The following TOP1 variants were observed in gnomAD, a reference collection of about 807,000 sequenced individuals.
TOP1 encodes DNA topoisomerase 1.
TOP1 carries 10 observed loss-of-function variants against 111.1 expected under a neutral mutation model. The observed-to-expected ratio is 0.09, with a 90% CI of 0.06 to 0.15. TOP1 has a LOEUF of 0.15. Among genes scored for constraint, TOP1 ranks in the 10% least tolerant of loss-of-function variants. The pLI is 1.00. For synonymous variants in TOP1, 271 were observed against 302.9 expected (o/e 0.89, Z 1.10); for missense variants, 474 against 926.7 (o/e 0.51, Z 6.34).
rs770564414 is a variant in TOP1, at chr20:41,067,607, C to G, written c.155+6117C>G. Among the ~76,000 whole-genome samples, 51 of 152,116 alleles carry G rather than the reference C, an allele frequency of 3.4e-4. 1 individual carries two copies. The highest frequency in any genetic ancestry group is 6.5e-4 in the Non-Finnish European group (44 of 68,030). ...CAAAATGCTTTCATTTATTCCAATC[C>G]TTGCTAATCAATTGTAGCTAATTTT... On this transcript the variant is annotated intron_variant, in intron 3 of 20. Transcript: ENST00000361337. This position sits in a 1 kb window ranked among gnomAD's most constrained non-coding sequence, Gnocchi z 4.0.
At chr20:41,049,804 T>A (rs1271473658) in intron 2 of TOP1, among the ~76,000 whole-genome samples, 1 of 152,268 alleles carries the variant, frequency 6.6e-6, no homozygotes, top group Non-Finnish European at 1.5e-5. Flanking sequence ...AAGAACTATT[T>A]ATACTTGTCT....
rs541544627 is a variant in TOP1 at position 41,086,930 on chromosome 20, A to G, written c.614+2362A>G. 5.3e-5 allele frequency among the ~76,000 whole-genome samples: 8 copies of G among 152,270 alleles called. No homozygotes were observed. In the East Asian group the frequency reaches 1.5e-3, roughly 29 times the overall value. On this transcript the variant is annotated intron_variant, in intron 8 of 20. Transcript: ENST00000361337. ...CTTAACTGATAGCTAGAGGCTGTGT[A>G]TCATACTCTGAAGTCAGTTATCCAG...
intron 2 of TOP1, among the ~76,000 whole-genome samples, chr20:41,056,539 G>A (rs1271689659): frequency 6.6e-6 from 1 of 152,210 alleles, no homozygotes; most frequent in African/African-American, 2.4e-5. Flanking sequence ...CAAGTGGAGT[G>A]TGGTGATGTA....
At chr20:41,031,910 T>A (rs1190772751) in intron 2 of TOP1, among the ~76,000 whole-genome samples, 1 of 152,236 alleles carries the variant, frequency 6.6e-6, no homozygotes, top group East Asian at 1.9e-4. Flanking sequence ...TTGAAGAGAA[T>A]CTGCCACCAT....
Position 41,121,938 on chromosome 20 carries a change from A to G in TOP1, c.2046-68A>G, listed in dbSNP as rs2034430549. 3 of 1,582,732 alleles carry G rather than the reference A, an allele frequency of 1.9e-6. No homozygotes were observed. The Admixed American group carries it at 5.4e-5, about 29-fold the overall frequency. ...AGGGCTTTTATTGACTCAAAGTGGC[A>G]GGATGGGTACAGTGTGCTCTTGTCT... On this transcript the variant is annotated intron_variant, in intron 19 of 20. Coordinates refer to ENST00000361337, the MANE Select transcript of TOP1 (RefSeq NM_003286.4). The surrounding 1 kb of genome is among the most constrained non-coding windows in gnomAD (Gnocchi z 4.2).
At chr20:41,063,153 A>C (rs1453469944) in intron 3 of TOP1, among the ~76,000 whole-genome samples, 1 of 152,070 alleles carries the variant, frequency 6.6e-6, no homozygotes, top group Non-Finnish European at 1.5e-5. Flanking sequence ...TGAGCACCCG[A>C]TGTTTAGCTC....
At chr20:41,089,792 C>T (rs1208502429) in intron 8 of TOP1, among the ~76,000 whole-genome samples, 1 of 152,210 alleles carries the variant, frequency 6.6e-6, no homozygotes, top group East Asian at 1.9e-4. Flanking sequence ...CCTACACCTT[C>T]ACCAACACTT....
intron 2 of TOP1, among the ~76,000 whole-genome samples, chr20:41,035,781 G>T (rs1015586222): frequency 6.6e-6 from 1 of 152,176 alleles, no homozygotes; most frequent in African/African-American, 2.4e-5. Context: ...AAGTCCAAAT[G>T]TTAATCTTGC....
At chr20:41,050,987 A>G (rs1200273843) in intron 2 of TOP1, among the ~76,000 whole-genome samples, 1 of 152,196 alleles carries the variant, frequency 6.6e-6, no homozygotes. Flanking sequence ...CCCCAGTACA[A>G]GAGTTTTAAT....
At chr20:41,072,931 C>T in intron 3 of TOP1, 1 of 985,410 alleles carries the variant, frequency 1.0e-6, no homozygotes, top group Non-Finnish European at 1.2e-6. Context: ...TTTGGAAAGT[C>T]AGGATGATAG....
rs764410433 is a variant in TOP1 at position 41,112,836 on chromosome 20, G to C, written c.1363G>C (p.Asp455His). 6.2e-7 allele frequency: 1 copy of C among 1,614,208 alleles called. No homozygotes were observed. The highest frequency in any genetic ancestry group is 1.1e-5 in the South Asian group (1 of 91,082). The change falls in exon 14 of 21, where the codon GAC becomes CAC. Residue 455 changes from aspartate to histidine, a missense_variant. By Grantham distance (81) the Asp-to-His change is moderately conservative. This residue lies in a region of TOP1 where 14 missense variants were observed against 22.2 expected (regional missense o/e 0.63). Transcript: ENST00000361337. The surrounding 1 kb of genome is among the most constrained non-coding windows in gnomAD (Gnocchi z 5.8). ...ETARRLKKCV[D>H]KIRNQYREDW... ...TGCTCGGCGGCTGAAAAAATGTGTG[G>C]ACAAGATCCGGAACCAGTATCGAGA...
rs2033959142 is a variant in TOP1, at chr20:41,094,489, TCTTC to T, written c.730+1906_730+1909del. On this transcript the variant is annotated intron_variant, in intron 9 of 20. Coordinates refer to ENST00000361337, the MANE Select transcript of TOP1 (RefSeq NM_003286.4). This position sits in a 1 kb window ranked among gnomAD's most constrained non-coding sequence, Gnocchi z 4.4. Reference sequence around the variant, plus strand: ...CTAGATTCCCTAGTCCTGTGGTTTCTCTTCCTTTTCAAGATAGGAAGCAGAGGCC... The same window carrying T: ...CTAGATTCCCTAGTCCTGTGGTTTCTCTTTTCAAGATAGGAAGCAGAGGCC... Among the ~76,000 whole-genome samples, 1 of 152,186 alleles carries T rather than the reference TCTTC, an allele frequency of 6.6e-6. No individual in the cohort carries two copies. The highest frequency in any genetic ancestry group is 2.1e-4 in the South Asian group (1 of 4,834).
chr20:41,046,225 A>G lies in TOP1; in HGVS notation c.59-15169A>G, dbSNP rs747762050. On this transcript the variant is annotated intron_variant, in intron 2 of 20. Coordinates refer to ENST00000361337, the MANE Select transcript of TOP1 (RefSeq NM_003286.4). The surrounding 1 kb of genome is among the most constrained non-coding windows in gnomAD (Gnocchi z 4.3). ...ATTTATCAATCCTGAGGTAGTTAAC[A>G]TTACTATTTCCAGTAATGTTCACTG... Among the ~76,000 whole-genome samples, 2 of 152,232 alleles carry G rather than the reference A, an allele frequency of 1.3e-5. No homozygotes were observed. The highest frequency in any genetic ancestry group is 2.4e-5 in the African/African-American group (1 of 41,464).
chr20:41,061,480 C>T lies in TOP1; in HGVS notation c.145C>T (p.His49Tyr). The T allele has an allele frequency of 1.3e-6, 2 of 1,598,126 alleles. No homozygotes were observed. The highest frequency in any genetic ancestry group is 1.7e-6 in the Non-Finnish European group (2 of 1,170,832). ...KKEKDREKSKHSNSEHKDSEK... is the reference protein window; with the variant it reads ...KKEKDREKSKYSNSEHKDSEK... ...GGAGAAGGACCGGGAAAAGTCCAAG[C>T]ATAGCAACAGGTAAGGGTGGAATCA... The change falls in exon 3 of 21, where the codon CAT (histidine) becomes TAT (tyrosine). Residue 49 changes from histidine (H) to tyrosine (Y), a missense_variant. By Grantham distance (83) the His-to-Tyr change is moderately conservative. Around this residue, in one of 14 missense-constraint regions of TOP1, gnomAD observed 185 missense variants for 226.3 expected, o/e 0.82. Transcript: ENST00000361337. This position sits in a 1 kb window ranked among gnomAD's most constrained non-coding sequence, Gnocchi z 4.6.
At chr20:41,085,076 C>A (rs1002975077) in intron 8 of TOP1, among the ~76,000 whole-genome samples, 3 of 102,226 alleles carry the variant, frequency 2.9e-5, no homozygotes, top group Non-Finnish European at 5.4e-5. Context: ...CACCTTCATG[C>A]CATTTAAAAA....
At position 41,100,011 on chromosome 20, in the gene TOP1, A is replaced by G; in HGVS notation, c.976-45A>G. 1 of 1,426,990 alleles carries G rather than the reference A, an allele frequency of 7.0e-7. No homozygotes were observed. Among genetic ancestry groups the G allele is most frequent in the African/African-American group, 1.4e-5 (1 of 70,836 alleles). 88.4% of individuals were successfully genotyped at this position (1,426,990 alleles called of 1,614,324 possible). A position where few individuals can be genotyped will look rare whatever the true frequency, so the allele number is the denominator to read the frequency against. ...AAGAGATAAAATGCATTAGTAGAGA[A>G]CAGCAATCTGAATCTATTTTGAGTA... On this transcript the variant is annotated intron_variant, in intron 11 of 20. Coordinates refer to ENST00000361337, the MANE Select transcript of TOP1 (RefSeq NM_003286.4). This position sits in a 1 kb window ranked among gnomAD's most constrained non-coding sequence, Gnocchi z 4.4.
At chr20:41,113,879 C>CCAA in intron 14 of TOP1, 91 bp from the exon 15 acceptor site, 1 of 658,394 alleles carries the variant, frequency 1.5e-6, no homozygotes, top group Non-Finnish European at 2.2e-6. Context: ...GAGACTGTCT[C>CCAA]AAAAAAAAAA....
At chr20:41,113,243 C>A (rs1393209198) in intron 14 of TOP1, among the ~76,000 whole-genome samples, 1 of 151,934 alleles carries the variant, frequency 6.6e-6, no homozygotes, top group African/African-American at 2.4e-5. Flanking sequence ...TTGGTACTCA[C>A]GAGAAGAAAA....
intron 13 of TOP1, among the ~76,000 whole-genome samples, chr20:41,107,693 T>C (rs1452524447): frequency 6.6e-6 from 1 of 152,284 alleles, no homozygotes; most frequent in African/African-American, 2.4e-5. Flanking sequence ...AGTGAATTCA[T>C]GTGCTAATTA....
Sources: gnomAD v4.1 joint callset for allele counts (sites outside exome capture counted in the v4.1 genomes callset) on GRCh38, gnomAD v4.1.1 for gene constraint, gnomAD v4.1.1 regional missense constraint, Gnocchi (gnomAD v3.1) non-coding constraint, MANE v1.5 for transcripts, NCBI Gene and HGNC (gene_info 2026-07-23, HGNC 2026-07-21) for gene names.